Variants in RBPJ observed in about 807,000 individuals in gnomAD.
The protein encoded by RBPJ is recombination signal binding protein for immunoglobulin kappa J region.
RBPJ carries 9 observed loss-of-function variants against 67.8 expected under a neutral mutation model. The observed-to-expected ratio is 0.13, with a 90% CI of 0.08 to 0.23. The LOEUF (loss-of-function observed/expected upper bound fraction) is 0.23, where lower values mean the gene tolerates loss of function less well. RBPJ is among the 10% of genes least tolerant of loss of function. RBPJ has a pLI of 1.00. For missense variants in RBPJ, 305 were observed against 595.6 expected, an observed-to-expected ratio of 0.51 and a Z score of 5.08; for synonymous variants, 198 against 203.3, an observed-to-expected ratio of 0.97 and a Z score of 0.22.
Position 26,267,691 on chromosome 4 carries a change from T to C in RBPJ, c.-166-94755T>C, listed in dbSNP as rs1033429676. ...GGCACGATCTCGGCTCACTGCACCC[T>C]CCACCTCCCAGGTTCAAGCAATTCT... On this transcript the variant is annotated intron_variant, in intron 1 of 4. Coordinates refer to the RBPJ transcript ENST00000512351. Among the ~76,000 whole-genome samples the C allele has an allele frequency of 1.1e-4, 16 of 152,254 alleles. 2 individuals are homozygous for C. The highest frequency in any genetic ancestry group is 5.9e-4 in the Admixed American group (9 of 15,274).
intron 1 of RBPJ, among the ~76,000 whole-genome samples, chr4:26,347,729 T>C (rs1337369326): frequency 6.6e-6 from 1 of 152,108 alleles, no homozygotes; most frequent in Admixed American, 6.6e-5. Flanking sequence ...TAGATGCTTA[T>C]TGGAAGGAAC....
At chr4:26,210,630 C>G (rs1718351343) in intron 1 of RBPJ, among the ~76,000 whole-genome samples, 2 of 151,746 alleles carry the variant, frequency 1.3e-5, no homozygotes. Context: ...GATTACACTA[C>G]TTTTCAAACC....
chr4:26,423,133 C>T (rs771615149), intron 5 of RBPJ, among the ~76,000 whole-genome samples: 12 of 152,074 alleles, frequency 7.9e-5, no homozygotes, highest in Non-Finnish European at 1.8e-4. Context: ...AGAGCGTGGG[C>T]CTAGTTGGAA....
At chr4:26,338,018 A>AT (rs1725050342) in intron 1 of RBPJ, among the ~76,000 whole-genome samples, 2 of 134,996 alleles carry the variant, frequency 1.5e-5, no homozygotes. Context: ...ATTTTTATTT[A>AT]TTTTTTGTCA....
chr4:26,159,284 C>T (rs1716033945), upstream of RBPJ, among the ~76,000 whole-genome samples: 1 of 152,226 alleles, frequency 6.6e-6, no homozygotes, highest in African/African-American at 2.4e-5. Context: ...AGGAGGAGGT[C>T]TAAGGTCACA....
At chr4:26,416,015 G>A (rs1360179868) in intron 4 of RBPJ, among the ~76,000 whole-genome samples, 2 of 152,042 alleles carry the variant, frequency 1.3e-5, no homozygotes, top group African/African-American at 4.8e-5. Context: ...TTTAATCTTA[G>A]TTTTATACTA....
chr4:26,255,352 C>T (rs1256879753), intron 1 of RBPJ, among the ~76,000 whole-genome samples: 32 of 106,098 alleles, frequency 3.0e-4, no homozygotes, highest in South Asian at 1.9e-3. Flanking sequence ...TGCAGTGAGC[C>T]GAGATCGCGC....
chr4:26,171,698 T>G (rs1362124467), intron 1 of RBPJ, among the ~76,000 whole-genome samples: 1 of 152,184 alleles, frequency 6.6e-6, no homozygotes, highest in Non-Finnish European at 1.5e-5. Context: ...TCAACTGCCA[T>G]CTGTCTGGGT....
chr4:26,372,593 C>T (rs1287856139), intron 1 of RBPJ, among the ~76,000 whole-genome samples: 1 of 152,000 alleles, frequency 6.6e-6, no homozygotes, highest in African/African-American at 2.4e-5. Flanking sequence ...TGTCCACTTC[C>T]TAGGGGCCTT....
chr4:26,154,741 G>A, the RBPJ span, among the ~76,000 whole-genome samples: 2 of 152,332 alleles, frequency 1.3e-5, no homozygotes, highest in East Asian at 1.9e-4. Context: ...TTCTGGCAAG[G>A]CCTAAGGAAG....
chr4:26,172,367 A>AG (rs1254185080), intron 1 of RBPJ, among the ~76,000 whole-genome samples: 1 of 152,190 alleles, frequency 6.6e-6, no homozygotes, highest in African/African-American at 2.4e-5. Flanking sequence ...AGGCAGAGGA[A>AG]GGGGAAAAGC....
At chr4:26,338,373 C>T (rs1725122225) in intron 1 of RBPJ, among the ~76,000 whole-genome samples, 1 of 151,850 alleles carries the variant, frequency 6.6e-6, no homozygotes, top group African/African-American at 2.4e-5. Context: ...CCAGGATGGT[C>T]TCAATCTCTT....
the RBPJ span, among the ~76,000 whole-genome samples, chr4:26,157,679 GTT>G: frequency 6.6e-6 from 1 of 152,082 alleles, no homozygotes; most frequent in Non-Finnish European, 1.5e-5. Context: ...CATTAGGATG[GTT>G]TATTTCTCAA....
chr4:26,224,397 T>G (rs576352245), intron 1 of RBPJ, among the ~76,000 whole-genome samples: 1 of 152,328 alleles, frequency 6.6e-6, no homozygotes, highest in Non-Finnish European at 1.5e-5. Context: ...GCCAAACTAA[T>G]TTTTTGTATT....
At chr4:26,190,475 A>G (rs940699953) in intron 1 of RBPJ, among the ~76,000 whole-genome samples, 1 of 152,212 alleles carries the variant, frequency 6.6e-6, no homozygotes, top group Non-Finnish European at 1.5e-5. Context: ...ACCATGGGTA[A>G]TGTACCATGA....
chr4:26,371,079 C>CAA (rs557453784), intron 1 of RBPJ, among the ~76,000 whole-genome samples: 11 of 82,006 alleles, frequency 1.3e-4, no homozygotes, highest in Non-Finnish European at 2.1e-4. Context: ...GACTCCATCT[C>CAA]AAAAAAAAAA....
At chr4:26,363,788 AATGT>A (rs1728328204) in intron 1 of RBPJ, among the ~76,000 whole-genome samples, 3 of 152,332 alleles carry the variant, frequency 2.0e-5, no homozygotes, top group South Asian at 4.1e-4. Flanking sequence ...TTTATTTAAC[AATGT>A]ATGTATGCAG....
At chr4:26,392,060 C>T (rs1053888993) in intron 2 of RBPJ, among the ~76,000 whole-genome samples, 3 of 152,148 alleles carry the variant, frequency 2.0e-5, no homozygotes, top group Admixed American at 2.0e-4. Flanking sequence ...TCATCACCTC[C>T]CAGATGCCCC....
intron 2 of RBPJ, among the ~76,000 whole-genome samples, chr4:26,393,860 A>C (rs1731810095): frequency 6.6e-6 from 1 of 152,112 alleles, no homozygotes; most frequent in Non-Finnish European, 1.5e-5. Flanking sequence ...AATCTTTGAA[A>C]CACTATTCTT....
Sources: gnomAD v4.1 joint callset for allele counts (sites outside exome capture counted in the v4.1 genomes callset) on GRCh38, gnomAD v4.1.1 for gene constraint, MANE v1.5 for transcripts, NCBI Gene and HGNC (gene_info 2026-07-23, HGNC 2026-07-21) for gene names.